The following TSPAN3 variants were observed in gnomAD, a reference collection of about 807,000 sequenced individuals.
TSPAN3 encodes the protein tetraspanin-3.
Under a neutral mutation model 31.1 loss-of-function variants are expected in TSPAN3, and 9 were observed. That is an observed-to-expected ratio of 0.29 (90% CI 0.17 to 0.50). TSPAN3 has a LOEUF of 0.50. TSPAN3 is among the 20% of genes least tolerant of loss of function. TSPAN3 has a pLI of 0.98. For synonymous variants in TSPAN3, 129 were observed against 114.3 expected, an observed-to-expected ratio of 1.13 and a Z score of -0.82; for missense variants, 252 against 313.5, an observed-to-expected ratio of 0.80 and a Z score of 1.48.
intron 4 of TSPAN3, among the ~76,000 whole-genome samples, chr15:77,053,494 A>AAAAT (rs2076746651): frequency 8.0e-6 from 1 of 124,916 alleles, no homozygotes; most frequent in Non-Finnish European, 1.7e-5. Flanking sequence ...AAAAAAAAAA[A>AAAAT]GAAAAGAAAA....
At chr15:77,049,644 C>G (rs1384005535) in intron 6 of TSPAN3, among the ~76,000 whole-genome samples, 1 of 152,078 alleles carries the variant, frequency 6.6e-6, no homozygotes, top group Non-Finnish European at 1.5e-5. Context: ...ATTCAAAAGT[C>G]CTGTTATTAT....
At chr15:77,050,556 T>C (rs910410216) in intron 6 of TSPAN3, among the ~76,000 whole-genome samples, 1 of 152,240 alleles carries the variant, frequency 6.6e-6, no homozygotes, top group Non-Finnish European at 1.5e-5. Context: ...TGATTATTTT[T>C]ATCAGTCTTC....
chr15:77,046,899 A>G lies in TSPAN3; in HGVS notation c.698T>C (p.Val233Ala), dbSNP rs760963799. ...AGGATCTCTACTCCTTCTGCACAAC[A>G]CGATGCAAGCACACAGCATGCCCAG... The part of the protein sequence containing the change: ...QLLGMLCACI[V>A]LCRRSRDPAY... The change falls in exon 7 of 7, where the codon GTG (valine) becomes GCG (alanine). Residue 233 changes from valine (V) to alanine (A), a missense_variant. Physicochemically the swap from Val to Ala is moderately conservative, Grantham distance 64. Transcript: ENST00000267970. The G allele has an allele frequency of 1.9e-6, 3 of 1,588,376 alleles. No homozygotes were observed. The Admixed American group carries it at 5.2e-5, about 27-fold the overall frequency.
intron 1 of TSPAN3, among the ~76,000 whole-genome samples, chr15:77,057,780 G>A (rs537906340): frequency 1.3e-5 from 2 of 152,080 alleles, no homozygotes; most frequent in Admixed American, 6.5e-5. Context: ...TGGGCTCTCC[G>A]TGGGCTACAG....
Position 77,056,051 on chromosome 15 carries a change from C to A in TSPAN3, c.255+13G>T. 1 of 1,595,486 alleles carries A rather than the reference C, an allele frequency of 6.3e-7. No homozygotes were observed. Among genetic ancestry groups the A allele is most frequent in the South Asian group, 1.1e-5 (1 of 87,596 alleles). On this transcript the variant is annotated intron_variant, in intron 2 of 6. Coordinates refer to ENST00000267970, the MANE Select transcript of TSPAN3 (RefSeq NM_005724.6). The stretch of plus-strand genomic sequence containing the variant: ...GACTAAATACTCCTGCATGTTCTCA[C>A]AACACATCTTACCGTGGCAAGTCCA...
At chr15:77,047,523 A>G (rs1049122304) in intron 6 of TSPAN3, among the ~76,000 whole-genome samples, 21 of 152,240 alleles carry the variant, frequency 1.4e-4, no homozygotes, top group South Asian at 8.3e-4. Context: ...TGTAGTTGGA[A>G]GGTTTTTTGT....
At position 77,045,846 on chromosome 15, in the gene TSPAN3, T is replaced by G. The variant is rs2076687552; in HGVS notation, c.*989A>C. The G allele has an allele frequency of 6.6e-6, 1 of 152,200 alleles. No individual in the cohort carries two copies. Among genetic ancestry groups the G allele is most frequent in the Non-Finnish European group, 1.5e-5 (1 of 68,046 alleles). The allele number at this position is 152,200 out of a possible 1,614,324, so 9.4% of individuals were successfully genotyped here. ...CATTGCACAAAGTAGAGCTCTATAT[T>G]TCTAGGATATACTGGACTGAAAGCA... On this transcript the variant is annotated 3_prime_UTR_variant, in exon 7 of 7. Coordinates refer to ENST00000267970, the MANE Select transcript of TSPAN3 (RefSeq NM_005724.6).
chr15:77,043,973 T>C lies in TSPAN3; in HGVS notation c.*2862A>G, dbSNP rs913570756. 3.3e-5 allele frequency: 5 copies of C among 152,110 alleles called. No individual in the cohort carries two copies. The highest frequency in any genetic ancestry group is 9.7e-5 in the African/African-American group (4 of 41,374). The allele number at this position is 152,110 out of a possible 1,614,324, so 9.4% of individuals were successfully genotyped here. A position where few individuals can be genotyped will look rare whatever the true frequency, so the allele number is the denominator to read the frequency against. On this transcript the variant is annotated 3_prime_UTR_variant, in exon 7 of 7. Transcript: ENST00000267970. ...CACATTTGAGAACACACATGACAGA[T>C]AGAATGGGACGAAATGTTAATAGGT...
chr15:77,050,743 T>A (rs1048167748), intron 6 of TSPAN3, among the ~76,000 whole-genome samples: 6 of 152,198 alleles, frequency 3.9e-5, no homozygotes, highest in African/African-American at 1.4e-4. Flanking sequence ...GCTAAATGAA[T>A]GTGTTTGCAT....
Position 77,070,979 on chromosome 15 carries a change from G to A in TSPAN3, c.-25C>T, listed in dbSNP as rs1327609648. The A allele has an allele frequency of 6.4e-6, 9 of 1,412,906 alleles. No homozygotes were observed. The highest frequency in any genetic ancestry group is 3.0e-5 in the African/African-American group (2 of 66,208). The allele number at this position is 1,412,906 out of a possible 1,614,324, so 87.5% of individuals were successfully genotyped here. A position where few individuals can be genotyped will look rare whatever the true frequency, so the allele number is the denominator to read the frequency against. On this transcript the variant is annotated 5_prime_UTR_variant, in exon 1 of 7. Coordinates refer to ENST00000267970, the MANE Select transcript of TSPAN3 (RefSeq NM_005724.6). Reference sequence around the variant, plus strand: ...TGGCGCCGGTGGCCCGCGAAGGCCCGGCCCGGAGAGCGGGGCTGCGCTCAC... The same window carrying A: ...TGGCGCCGGTGGCCCGCGAAGGCCCAGCCCGGAGAGCGGGGCTGCGCTCAC...
In TSPAN3 at chr15:77,071,058, G is replaced by A; in HGVS notation, c.-104C>T. 1.3e-6 allele frequency: 1 copy of A among 798,318 alleles called. No individual in the cohort carries two copies. Among genetic ancestry groups the A allele is most frequent in the East Asian group, 3.9e-5 (1 of 25,960 alleles). 49.5% of individuals were successfully genotyped at this position (798,318 alleles called of 1,614,324 possible). On this transcript the variant is annotated 5_prime_UTR_variant, in exon 1 of 7. Transcript: ENST00000267970. ...CCTCGCTAGGAACTGCACGGCCTGCGCGGCGCTCCCCGCAGCCCCTGCGCC... is the reference window on the plus strand; with the variant it reads ...CCTCGCTAGGAACTGCACGGCCTGCACGGCGCTCCCCGCAGCCCCTGCGCC...
chr15:77,063,460 A>C (rs967938231), intron 1 of TSPAN3: 4 of 151,642 alleles, frequency 2.6e-5, no homozygotes, highest in Non-Finnish European at 5.9e-5. Flanking sequence ...GGATCCTCTC[A>C]TCTCAGTCTT....
intron 1 of TSPAN3, among the ~76,000 whole-genome samples, chr15:77,056,673 T>C (rs1486368155): frequency 6.6e-6 from 1 of 151,144 alleles, no homozygotes; most frequent in Non-Finnish European, 1.5e-5. Context: ...ACTCAGGCAA[T>C]CTGACTCCAG....
At chr15:77,057,612 A>G (rs1394873893) in intron 1 of TSPAN3, among the ~76,000 whole-genome samples, 2 of 152,212 alleles carry the variant, frequency 1.3e-5, no homozygotes, top group South Asian at 2.1e-4. Context: ...ATTTTTAAAA[A>G]CATTGTTTTA....
chr15:77,053,494 A>AAAG (rs2076746651), intron 4 of TSPAN3, among the ~76,000 whole-genome samples: 1 of 124,916 alleles, frequency 8.0e-6, no homozygotes, highest in Non-Finnish European at 1.7e-5. Flanking sequence ...AAAAAAAAAA[A>AAAG]GAAAAGAAAA....
At chr15:77,059,129 C>G (rs935172521) in intron 1 of TSPAN3, among the ~76,000 whole-genome samples, 4 of 152,180 alleles carry the variant, frequency 2.6e-5, no homozygotes, top group African/African-American at 9.7e-5. Context: ...GTCGCCCAGG[C>G]TGGAGTGCAG....
chr15:77,052,866 T>G lies in TSPAN3; in HGVS notation c.496A>C (p.Lys166Gln), dbSNP rs893801570. ...WENTDWFKET[K>Q]NQSVPLSCCR... ...CAGCTAAGAGGGACACTCTGGTTTT[T>G]GGTTTCTTTGAACCAATCTGTATTT... The change falls in exon 5 of 7, where the codon AAA becomes CAA. Residue 166 changes from lysine (K) to glutamine (Q), a missense_variant. Coordinates refer to ENST00000267970, the MANE Select transcript of TSPAN3 (RefSeq NM_005724.6). 3.7e-6 allele frequency: 6 copies of G among 1,614,062 alleles called. No individual in the cohort carries two copies. In the African/African-American group the frequency reaches 8.0e-5, roughly 22 times the overall value.
intron 3 of TSPAN3, chr15:77,054,614 T>C (rs2076755776): frequency 6.2e-6 from 1 of 161,414 alleles, no homozygotes; most frequent in Non-Finnish European, 1.4e-5. Context: ...ATGCCTTCCT[T>C]TTACAAATAA....
In TSPAN3 at chr15:77,041,942, AC is replaced by A; in HGVS notation, c.*4892del. 6.6e-6 allele frequency: 1 copy of A among 152,332 alleles called. No homozygotes were observed. The highest frequency in any genetic ancestry group is 1.9e-4 in the East Asian group (1 of 5,188). 9.4% of individuals were successfully genotyped at this position (152,332 alleles called of 1,614,324 possible). Reference sequence around the variant, plus strand: ...CTGCAGTGTGTGTATAGAGATGATCACTGTGGCGAGTAGTGGAGGCACTGGA... The same window carrying A: ...CTGCAGTGTGTGTATAGAGATGATCATGTGGCGAGTAGTGGAGGCACTGGA... On this transcript the variant is annotated 3_prime_UTR_variant, in exon 7 of 7. Coordinates refer to ENST00000267970, the MANE Select transcript of TSPAN3 (RefSeq NM_005724.6).
Sources: allele counts gnomAD v4.1 joint callset (sites outside exome capture counted in the v4.1 genomes callset), GRCh38; gene constraint gnomAD v4.1.1; transcripts MANE v1.5; gene names NCBI Gene and HGNC (gene_info 2026-07-23, HGNC 2026-07-21).